The following PTPRM variants were observed in gnomAD, a reference collection of about 807,000 sequenced individuals.
PTPRM encodes receptor-type tyrosine-protein phosphatase mu.
PTPRM carries 47 observed loss-of-function variants against 186.7 expected under a neutral mutation model. That is an observed-to-expected ratio of 0.25 (90% CI 0.20 to 0.32). PTPRM has a LOEUF of 0.32. Among genes scored for constraint, PTPRM ranks in the 10% least tolerant of loss-of-function variants. PTPRM has a pLI of 1.00. For synonymous variants in PTPRM, 668 were observed against 674.9 expected (o/e 0.99, Z 0.16); for missense variants, 1,494 against 1,865.0 (o/e 0.80, Z 3.66).
intron 1 of PTPRM, among the ~76,000 whole-genome samples, chr18:7,610,509 A>G (rs2037646171): frequency 6.6e-6 from 1 of 152,230 alleles, no homozygotes; most frequent in African/African-American, 2.4e-5. Flanking sequence ...TGAGAAATAC[A>G]GACTAGGAGA....
chr18:7,863,786 CA>C (rs1274203248), intron 2 of PTPRM, among the ~76,000 whole-genome samples: 1 of 152,184 alleles, frequency 6.6e-6, no homozygotes, highest in Non-Finnish European at 1.5e-5. Context: ...CTGTCTTCCA[CA>C]ATGGTTGAAC....
chr18:8,278,891 T>A (rs1056384311), intron 19 of PTPRM, among the ~76,000 whole-genome samples: 4 of 152,204 alleles, frequency 2.6e-5, no homozygotes, highest in Non-Finnish European at 5.9e-5. Context: ...ACTGTTTACT[T>A]CTTTTTCCAA....
At chr18:8,252,669 T>C (rs1189804504) in intron 18 of PTPRM, among the ~76,000 whole-genome samples, 170 bp downstream of exon 18, 1 of 152,218 alleles carries the variant, frequency 6.6e-6, no homozygotes, top group Non-Finnish European at 1.5e-5. Context: ...TGTCAAGCTT[T>C]CTGATACCAG....
At chr18:8,344,442 G>GTATATATATA (rs1568792305) in intron 23 of PTPRM, among the ~76,000 whole-genome samples, 1 of 36,780 alleles carries the variant, frequency 2.7e-5, no homozygotes, top group Non-Finnish European at 7.3e-5. Flanking sequence ...GTGTGTGTGT[G>GTATATATATA]TGTGTGTATA....
chr18:7,734,380 T>C (rs10502359), intron 1 of PTPRM, among the ~76,000 whole-genome samples: 7,396 of 152,290 alleles, frequency 0.049, 454 homozygotes, highest in East Asian at 0.13. Context: ...CTTTTAAATT[T>C]GATTTTGGCT....
intron 2 of PTPRM, among the ~76,000 whole-genome samples, chr18:7,873,083 A>G (rs1275363959): frequency 6.6e-6 from 1 of 152,148 alleles, no homozygotes; most frequent in African/African-American, 2.4e-5. Context: ...CTTATCTTGC[A>G]TTCTGTCACT....
intron 2 of PTPRM, among the ~76,000 whole-genome samples, chr18:7,852,450 G>C (rs2046908128): frequency 6.6e-6 from 1 of 151,994 alleles, no homozygotes; most frequent in Non-Finnish European, 1.5e-5. Flanking sequence ...AACTTTGGGA[G>C]GCCGAGACTG....
chr18:8,271,515 A>G (rs2147628434), intron 19 of PTPRM, among the ~76,000 whole-genome samples: 1 of 152,094 alleles, frequency 6.6e-6, no homozygotes, highest in African/African-American at 2.4e-5. Context: ...TTAAAATAAT[A>G]TCTGCTTTTT....
chr18:7,845,543 G>C (rs979063305), intron 2 of PTPRM, among the ~76,000 whole-genome samples: 1 of 152,058 alleles, frequency 6.6e-6, no homozygotes, highest in African/African-American at 2.4e-5. Flanking sequence ...AAAATTTTTC[G>C]ATACACTGAA....
intron 1 of PTPRM, among the ~76,000 whole-genome samples, chr18:7,729,600 A>G (rs2040616801): frequency 6.6e-6 from 1 of 152,206 alleles, no homozygotes; most frequent in Non-Finnish European, 1.5e-5. Flanking sequence ...AAATGGTAAC[A>G]TTCATTTAAG....
chr18:8,278,713 A>G (rs965841229), intron 19 of PTPRM, among the ~76,000 whole-genome samples: 1 of 152,178 alleles, frequency 6.6e-6, no homozygotes, highest in Non-Finnish European at 1.5e-5. Context: ...CCCAGAATCT[A>G]TCTCTCACAT....
intron 2 of PTPRM, among the ~76,000 whole-genome samples, chr18:7,876,673 G>A (rs2048260501): frequency 6.6e-6 from 1 of 152,172 alleles, no homozygotes. Flanking sequence ...GTGGTAGTGA[G>A]CATGTTCACA....
chr18:7,979,340 T>G (rs2055174719), intron 7 of PTPRM, among the ~76,000 whole-genome samples: 1 of 152,222 alleles, frequency 6.6e-6, no homozygotes, highest in Non-Finnish European at 1.5e-5. Flanking sequence ...ATTTGGGATT[T>G]GGGAGGCAGA....
At chr18:7,843,823 A>G (rs547210962) in intron 2 of PTPRM, among the ~76,000 whole-genome samples, 14 of 152,264 alleles carry the variant, frequency 9.2e-5, no homozygotes, top group Non-Finnish European at 1.5e-4. Context: ...CTGTTCCATC[A>G]TGTGTGGGGC....
intron 22 of PTPRM, among the ~76,000 whole-genome samples, chr18:8,342,046 A>G (rs1448979444): frequency 1.3e-5 from 2 of 152,208 alleles, no homozygotes; most frequent in Non-Finnish European, 2.9e-5. Context: ...GTAACAGTGT[A>G]GTCAGAAGCG....
At chr18:8,222,244 G>T (rs752560532) in intron 14 of PTPRM, among the ~76,000 whole-genome samples, 3 of 152,182 alleles carry the variant, frequency 2.0e-5, no homozygotes, top group African/African-American at 2.4e-5. Context: ...TACTGGAAAA[G>T]ACACCTTTCA....
chr18:8,246,040 A>G (rs2094474027), intron 15 of PTPRM, among the ~76,000 whole-genome samples: 2 of 152,220 alleles, frequency 1.3e-5, no homozygotes, highest in African/African-American at 2.4e-5. Flanking sequence ...GGAACACAGC[A>G]GTAGACTTTC....
chr18:8,028,260 C>T (rs549634912), intron 7 of PTPRM, among the ~76,000 whole-genome samples: 1 of 152,284 alleles, frequency 6.6e-6, no homozygotes, highest in East Asian at 1.9e-4. Flanking sequence ...CCTTGGTCTC[C>T]CAAAGTGCTG....
At chr18:8,023,870 A>G (rs34507764) in intron 7 of PTPRM, among the ~76,000 whole-genome samples, 44,556 of 149,264 alleles carry the variant, frequency 0.3, 6,954 homozygotes, top group Admixed American at 0.33. Flanking sequence ...ACACACACAC[A>G]CGCACACCCC....
Sources: allele counts gnomAD v4.1 joint callset (sites outside exome capture counted in the v4.1 genomes callset), GRCh38; gene constraint gnomAD v4.1.1; transcripts MANE v1.5; gene names NCBI Gene and HGNC (gene_info 2026-07-23, HGNC 2026-07-21).